ASCC3: variants seen among roughly 807,000 people sequenced by gnomAD.
ASCC3 encodes ASC-1 complex subunit P200.
Under a neutral mutation model 256.3 loss-of-function variants are expected in ASCC3, and 158 were observed. The ratio of observed to expected loss-of-function variants is 0.62; its 90% CI spans 0.54 to 0.70. The LOEUF is 0.70. Among genes scored for constraint, ASCC3 ranks in the 30% least tolerant of loss-of-function variants. The probability of loss-of-function intolerance (pLI) is 0.00; values close to 1 mark genes in which losing one functional copy is unlikely to be tolerated. For missense variants in ASCC3, 2,259 were observed against 2,626.0 expected (o/e 0.86, Z 3.05); for synonymous variants, 948 against 883.4 (o/e 1.07, Z -1.30).
chr6:100,712,751 CTTTTTTTTTTTTTT>C (rs58286754), intron 13 of ASCC3, among the ~76,000 whole-genome samples: 2 of 69,738 alleles, frequency 2.9e-5, no homozygotes, highest in Admixed American at 2.1e-4. Flanking sequence ...CAATTATACT[CTTTTTTTTTTTTTT>C]TTTTTTTTTT....
Position 100,646,653 on chromosome 6 carries a change from T to C in ASCC3, c.3595A>G (p.Thr1199Ala). Residue 1199 changes from threonine (T) to alanine (A), a missense_variant, in exon 22 of 42, where the codon ACA (threonine) becomes GCA (alanine). Around this residue, in one of 2 missense-constraint regions of ASCC3, gnomAD observed 1,839 missense variants for 2,206.7 expected, o/e 0.83. Coordinates refer to ENST00000369162, the MANE Select transcript of ASCC3 (RefSeq NM_006828.4). ...QPITRTVLRV[T>A]LSIYADFTWN... ...GTGAAATCAGCATAGATGCTGAGTG[T>C]CACTCGGAGGACAGTCCTTGTGATA... is the stretch of plus-strand genomic sequence containing the variant. The C allele has an allele frequency of 1.2e-6, 2 of 1,614,110 alleles. No homozygotes were observed. Among genetic ancestry groups the C allele is most frequent in the Non-Finnish European group, 1.7e-6 (2 of 1,179,984 alleles).
At chr6:100,783,455 A>C (rs1459127336) in intron 8 of ASCC3, among the ~76,000 whole-genome samples, 1 of 152,176 alleles carries the variant, frequency 6.6e-6, no homozygotes, top group Admixed American at 6.5e-5. Flanking sequence ...GTTATCTAAA[A>C]TGTATCCTCC....
At chr6:100,789,860 A>G (rs1451300298) in intron 8 of ASCC3, among the ~76,000 whole-genome samples, 1 of 151,994 alleles carries the variant, frequency 6.6e-6, no homozygotes, top group Non-Finnish European at 1.5e-5. Context: ...AAAATTTACC[A>G]AAATTATATG....
intron 34 of ASCC3, among the ~76,000 whole-genome samples, chr6:100,591,868 T>A (rs1001663976): frequency 2.0e-5 from 3 of 151,974 alleles, no homozygotes; most frequent in Admixed American, 2.0e-4. Flanking sequence ...ATGAATAAAT[T>A]TGGTACACTT....
chr6:100,784,484 A>G lies in ASCC3; in HGVS notation c.1395+14229T>C, dbSNP rs373610483. Among the ~76,000 whole-genome samples, 8 of 152,230 alleles carry G rather than the reference A, an allele frequency of 5.3e-5. No homozygotes were observed. In the East Asian group the frequency reaches 1.2e-3, roughly 22 times the overall value. ...ATCATTTACAATAAGAAAAAAACAGACACAAGCTGAATATCTACAAATAGG... is the reference window on the plus strand; with the variant it reads ...ATCATTTACAATAAGAAAAAAACAGGCACAAGCTGAATATCTACAAATAGG... On this transcript the variant is annotated intron_variant, in intron 8 of 41. Transcript: ENST00000369162.
intron 14 of ASCC3, among the ~76,000 whole-genome samples, chr6:100,674,631 A>ATTTTT (rs3073741): frequency 7.6e-6 from 1 of 131,644 alleles, no homozygotes. Flanking sequence ...TTATTACAGA[A>ATTTTT]TTTTTTTTTT....
At chr6:100,747,640 C>G (rs191262562) in intron 10 of ASCC3, among the ~76,000 whole-genome samples, 3 of 152,132 alleles carry the variant, frequency 2.0e-5, no homozygotes, top group Non-Finnish European at 4.4e-5. Flanking sequence ...AAAATGTATA[C>G]GCTGTGTGAC....
chr6:100,714,055 T>C (rs1039032), intron 13 of ASCC3, among the ~76,000 whole-genome samples: 71,298 of 151,966 alleles, frequency 0.47, 16,937 homozygotes, highest in South Asian at 0.61. Context: ...ACAGAGGTGG[T>C]AAATTATAGC....
At chr6:100,838,456 T>C (rs555150702) in intron 4 of ASCC3, among the ~76,000 whole-genome samples, 115 of 152,106 alleles carry the variant, frequency 7.6e-4, no homozygotes, top group African/African-American at 2.7e-3. Context: ...CATAAGAAAA[T>C]GACCATGAAA....
At chr6:100,693,460 T>C (rs1777931588) in intron 13 of ASCC3, among the ~76,000 whole-genome samples, 1 of 152,162 alleles carries the variant, frequency 6.6e-6, no homozygotes, top group African/African-American at 2.4e-5. Flanking sequence ...TCTTATTATA[T>C]ATGCAAATAC....
intron 10 of ASCC3, among the ~76,000 whole-genome samples, chr6:100,749,606 TTCAAAATGGTTTAAAA>T (rs1215781376): frequency 2.0e-5 from 3 of 151,972 alleles, no homozygotes; most frequent in African/African-American, 7.2e-5. Flanking sequence ...ACCTTTAGGA[TTCAAAATGGTTTAAAA>T]TATATGATCT....
intron 34 of ASCC3, among the ~76,000 whole-genome samples, chr6:100,597,358 A>ATATT (rs944573703): frequency 1.8e-4 from 28 of 152,252 alleles, no homozygotes; most frequent in African/African-American, 6.7e-4. Context: ...GTACTCAATA[A>ATATT]ATGTTTACAG....
chr6:100,695,689 C>A (rs927315427), intron 13 of ASCC3, among the ~76,000 whole-genome samples: 1 of 151,890 alleles, frequency 6.6e-6, no homozygotes, highest in Non-Finnish European at 1.5e-5. Context: ...AAGGTCCCTG[C>A]ATGGCCAATT....
intron 29 of ASCC3, among the ~76,000 whole-genome samples, chr6:100,626,208 A>T (rs1774225388): frequency 6.6e-6 from 1 of 152,054 alleles, no homozygotes; most frequent in South Asian, 2.1e-4. Flanking sequence ...AGATGCCACG[A>T]GTAGAATATA....
Position 100,540,390 on chromosome 6 carries a change from G to GA in ASCC3, c.5551-4dup, listed in dbSNP as rs753164821. The GA allele has an allele frequency of 0.092, 104,487 of 1,134,876 alleles. 1 individual carries two copies. The highest frequency in any genetic ancestry group is 0.1 in the Non-Finnish European group (83,551 of 823,074). 70.3% of individuals were successfully genotyped at this position (1,134,876 alleles called of 1,614,324 possible). A position where few individuals can be genotyped will look rare whatever the true frequency, so the allele number is the denominator to read the frequency against. The stretch of plus-strand genomic sequence containing the variant: ...AAATCTGTATATTCTTCTGCATCCT[G>GA]AAAAAAAAAAAAAGCCCCACATTGT... On this transcript the variant is annotated splice_polypyrimidine_tract_variant and splice_region_variant and intron_variant, in intron 36 of 41. Coordinates refer to ENST00000369162, the MANE Select transcript of ASCC3 (RefSeq NM_006828.4).
intron 8 of ASCC3, among the ~76,000 whole-genome samples, chr6:100,771,970 C>G (rs1037387819): frequency 2.7e-5 from 4 of 146,340 alleles, no homozygotes; most frequent in Non-Finnish European, 5.9e-5. Context: ...AGCTCTGCCT[C>G]CCAGGTTCAC....
At chr6:100,858,518 A>G (rs1044434763) in intron 3 of ASCC3, 8 of 909,300 alleles carry the variant, frequency 8.8e-6, no homozygotes, top group South Asian at 1.0e-4. Context: ...ATTTTTTATC[A>G]TAAGTAATGT....
intron 4 of ASCC3, among the ~76,000 whole-genome samples, chr6:100,827,012 T>A (rs1274750023): frequency 2.0e-5 from 3 of 152,186 alleles, no homozygotes; most frequent in African/African-American, 7.2e-5. Context: ...CTGTCTACCA[T>A]GTTGGAGAGC....
At chr6:100,701,587 T>C (rs1457658303) in intron 13 of ASCC3, among the ~76,000 whole-genome samples, 1 of 152,190 alleles carries the variant, frequency 6.6e-6, no homozygotes. Flanking sequence ...AAGCAACGCA[T>C]GTCAGTACAA....
Sources: allele counts gnomAD v4.1 joint callset (sites outside exome capture counted in the v4.1 genomes callset), GRCh38; gene constraint gnomAD v4.1.1; regional missense constraint gnomAD v4.1.1; transcripts MANE v1.5; gene names NCBI Gene and HGNC (gene_info 2026-07-23, HGNC 2026-07-21).